The following MAF variants were observed in gnomAD, a reference collection of about 807,000 sequenced individuals.
MAF encodes MAF bZIP transcription factor.
Under a neutral mutation model 22.0 loss-of-function variants are expected in MAF, and 10 were observed. The ratio of observed to expected loss-of-function variants is 0.45; its 90% confidence interval spans 0.28 to 0.77. The LOEUF (loss-of-function observed/expected upper bound fraction) is 0.77, where lower values mean the gene tolerates loss of function less well. Ranked by LOEUF, MAF falls within the 30% of genes least tolerant of loss-of-function variation. The pLI, the probability that MAF is intolerant of heterozygous loss-of-function variation, is 0.12. For missense variants in MAF, 544 were observed against 548.4 expected (o/e 0.99, Z 0.08); for synonymous variants, 337 against 255.8 (o/e 1.32, Z -3.03).
the MAF span, among the ~76,000 whole-genome samples, chr16:79,453,363 C>T: frequency 6.6e-6 from 1 of 152,284 alleles, no homozygotes; most frequent in South Asian, 2.1e-4. Context: ...CATCCGGTAA[C>T]AATTTTTAAA....
the MAF span, among the ~76,000 whole-genome samples, chr16:79,410,216 T>C: frequency 1.3e-5 from 2 of 152,224 alleles, no homozygotes; most frequent in African/African-American, 4.8e-5. Context: ...CTTCCCTTTT[T>C]TTGTCTATAA....
At chr16:79,331,224 T>C in the MAF span, among the ~76,000 whole-genome samples, 2 of 152,208 alleles carry the variant, frequency 1.3e-5, no homozygotes, top group Non-Finnish European at 2.9e-5. Context: ...ATCTTTTGCC[T>C]GGCCTGGAAA....
the MAF span, among the ~76,000 whole-genome samples, chr16:79,240,829 C>G: frequency 6.6e-6 from 1 of 151,968 alleles, no homozygotes; most frequent in African/African-American, 2.4e-5. Context: ...CCCTCTGGTA[C>G]AAAGCTTCCA....
At chr16:79,461,482 T>C in the MAF span, among the ~76,000 whole-genome samples, 1 of 152,112 alleles carries the variant, frequency 6.6e-6, no homozygotes, top group African/African-American at 2.4e-5. Context: ...AGAAAGACCA[T>C]GGAGTATTGC....
chr16:79,347,353 G>A, the MAF span, among the ~76,000 whole-genome samples: 1 of 152,196 alleles, frequency 6.6e-6, no homozygotes, highest in African/African-American at 2.4e-5. Flanking sequence ...GTGGGTCACA[G>A]ACAGCAGCAT....
chr16:79,437,642 C>G, the MAF span, among the ~76,000 whole-genome samples: 1 of 152,052 alleles, frequency 6.6e-6, no homozygotes, highest in African/African-American at 2.4e-5. Context: ...GAGCTCATGC[C>G]GGTCACCCAG....
chr16:79,258,147 T>C, the MAF span, among the ~76,000 whole-genome samples: 10,224 of 152,296 alleles, frequency 0.067, 452 homozygotes, highest in Middle Eastern at 0.13. Context: ...GATGCTGCAT[T>C]TCCCTAAGAA....
chr16:79,409,777 G>C, the MAF span, among the ~76,000 whole-genome samples: 1 of 152,300 alleles, frequency 6.6e-6, no homozygotes, highest in Non-Finnish European at 1.5e-5. Flanking sequence ...CTCTACAGAG[G>C]CTAGATCAGT....
the MAF span, among the ~76,000 whole-genome samples, chr16:79,454,033 A>G: frequency 1.3e-5 from 2 of 152,204 alleles, no homozygotes; most frequent in Non-Finnish European, 2.9e-5. Flanking sequence ...AGATTCTACA[A>G]CTGGCCAACT....
At chr16:79,452,511 A>G in the MAF span, among the ~76,000 whole-genome samples, 2 of 152,250 alleles carry the variant, frequency 1.3e-5, no homozygotes, top group Admixed American at 1.3e-4. Flanking sequence ...GGATTTTTTA[A>G]AAAAGAGTTT....
chr16:79,536,713 G>T, the MAF span, among the ~76,000 whole-genome samples: 2 of 152,156 alleles, frequency 1.3e-5, no homozygotes, highest in Non-Finnish European at 2.9e-5. Context: ...AACACATAGA[G>T]AACTTTTTTT....
At chr16:79,269,831 T>C in the MAF span, among the ~76,000 whole-genome samples, 1 of 152,078 alleles carries the variant, frequency 6.6e-6, no homozygotes, top group East Asian at 1.9e-4. Context: ...GGACCTACTT[T>C]CTATTTTATA....
chr16:79,247,439 C>G, the MAF span, among the ~76,000 whole-genome samples: 2 of 152,216 alleles, frequency 1.3e-5, no homozygotes, highest in Non-Finnish European at 2.9e-5. Flanking sequence ...TCACTGCAAA[C>G]TTGCTTCCCC....
chr16:79,293,837 A>AAGAGAGAGAGAGAG, the MAF span, among the ~76,000 whole-genome samples: 2 of 148,322 alleles, frequency 1.3e-5, no homozygotes, highest in African/African-American at 5.0e-5. Flanking sequence ...TCTAAATGAA[A>AAGAGAGAGAGAGAG]AGAGAGAGAG....
the MAF span, among the ~76,000 whole-genome samples, chr16:79,353,670 T>C: frequency 6.6e-6 from 1 of 152,148 alleles, no homozygotes; most frequent in Non-Finnish European, 1.5e-5. Context: ...GCTGCTATTT[T>C]TCTGCCTTTG....
At chr16:79,596,693 G>C in intron 1 of MAF, 1 of 1,038,802 alleles carries the variant, frequency 9.6e-7, no homozygotes, top group Non-Finnish European at 1.2e-6. Context: ...TCTTTTTAAA[G>C]ACAGGATGTC....
the MAF span, among the ~76,000 whole-genome samples, chr16:79,279,341 G>T: frequency 6.6e-6 from 1 of 152,136 alleles, no homozygotes; most frequent in Non-Finnish European, 1.5e-5. Flanking sequence ...ACCAGCCTAG[G>T]GTGAAGAGAA....
At chr16:79,288,627 A>G in the MAF span, among the ~76,000 whole-genome samples, 3 of 152,382 alleles carry the variant, frequency 2.0e-5, no homozygotes, top group South Asian at 6.2e-4. Context: ...ATATAGAAAT[A>G]GATAATAAGC....
At chr16:79,312,081 TC>T in the MAF span, among the ~76,000 whole-genome samples, 1 of 151,904 alleles carries the variant, frequency 6.6e-6, no homozygotes, top group Non-Finnish European at 1.5e-5. Flanking sequence ...TCTGCCTCCT[TC>T]CCTCCTTTCT....
Sources: gnomAD v4.1 joint callset for allele counts (sites outside exome capture counted in the v4.1 genomes callset) on GRCh38, gnomAD v4.1.1 for gene constraint, MANE v1.5 for transcripts, NCBI Gene and HGNC (gene_info 2026-07-23, HGNC 2026-07-21) for gene names.